UBTD2: variants seen among roughly 807,000 people sequenced by gnomAD.
The protein encoded by UBTD2 is ubiquitin domain containing 2.
Under a neutral mutation model 19.8 loss-of-function variants are expected in UBTD2, and 9 were observed. That is an observed-to-expected ratio of 0.46 (90% CI 0.27 to 0.79). The LOEUF (loss-of-function observed/expected upper bound fraction) is 0.79. UBTD2 is among the 30% of genes least tolerant of loss of function. The pLI is 0.14. For synonymous variants in UBTD2, 98 were observed against 103.9 expected, an observed-to-expected ratio of 0.94 and a Z score of 0.35; for missense variants, 250 against 300.4, an observed-to-expected ratio of 0.83 and a Z score of 1.24.
At chr5:172,233,700 T>C (rs959718056) in intron 2 of UBTD2, among the ~76,000 whole-genome samples, 1 of 151,646 alleles carries the variant, frequency 6.6e-6, no homozygotes, top group Admixed American at 6.6e-5. Flanking sequence ...ATCCTCTGAG[T>C]CTCTACAGCT....
chr5:172,277,112 G>C (rs1302600272), intron 1 of UBTD2, among the ~76,000 whole-genome samples: 1 of 89,292 alleles, frequency 1.1e-5, no homozygotes, highest in Non-Finnish European at 2.5e-5. Flanking sequence ...GGAACAAAAA[G>C]AAGACGAAGT....
At chr5:172,250,933 CAAAAAAAAAAAAAA>C (rs56280728) in intron 1 of UBTD2, among the ~76,000 whole-genome samples, 1 of 43,936 alleles carries the variant, frequency 2.3e-5, no homozygotes, top group Non-Finnish European at 4.0e-5. Flanking sequence ...GACCCTGTCT[CAAAAAAAAAAAAAA>C]AAAAAAAAAA....
Position 172,211,874 on chromosome 5 carries a change from T to A in UBTD2, c.661A>T (p.Ile221Leu). ...GGGTTCTGCACAGGTTGGCTCACTATAACCTGTACAACATAGTCCTTTGGG... is the reference window on the plus strand; with the variant it reads ...GGGTTCTGCACAGGTTGGCTCACTAAAACCTGTACAACATAGTCCTTTGGG... ...KIPKDYVVQV[I>L]VSQPVQNPTP... is the part of the protein sequence containing the mutation. Residue 221 changes from isoleucine to leucine, a missense_variant, in exon 3 of 3, where the codon ATA becomes TTA. Transcript: ENST00000393792. The A allele has an allele frequency of 6.2e-7, 1 of 1,614,204 alleles. No homozygotes were observed. The highest frequency in any genetic ancestry group is 1.1e-5 in the South Asian group (1 of 91,088).
chr5:172,282,096 AGT>A (rs548001958), intron 1 of UBTD2, among the ~76,000 whole-genome samples: 152 of 152,356 alleles, frequency 1.0e-3, no homozygotes, highest in African/African-American at 3.3e-3. Flanking sequence ...TATTAAAATG[AGT>A]GTGAAAAAAA....
At chr5:172,239,711 G>A (rs1265537927) in intron 1 of UBTD2, among the ~76,000 whole-genome samples, 1 of 152,020 alleles carries the variant, frequency 6.6e-6, no homozygotes, top group African/African-American at 2.4e-5. Flanking sequence ...ATGAGCCACC[G>A]TGCCCAGCCT....
rs913919949 is a variant in UBTD2, at chr5:172,211,631, A to G, written c.*199T>C. 4.3e-5 allele frequency: 22 copies of G among 516,386 alleles called. No homozygotes were observed. Among genetic ancestry groups the G allele is most frequent in the Non-Finnish European group, 6.8e-5 (21 of 310,512 alleles). 32.0% of individuals were successfully genotyped at this position (516,386 alleles called of 1,614,324 possible). Reference sequence around the variant, plus strand: ...TAGAAATTGTAATTACATGAGTCTCAAAGCCTGGCTCTTTGTGTTTTATTA... The same window carrying G: ...TAGAAATTGTAATTACATGAGTCTCGAAGCCTGGCTCTTTGTGTTTTATTA... On this transcript the variant is annotated 3_prime_UTR_variant, in exon 3 of 3. Transcript: ENST00000393792.
chr5:172,228,158 A>G (rs1771808754), intron 2 of UBTD2, among the ~76,000 whole-genome samples: 1 of 152,226 alleles, frequency 6.6e-6, no homozygotes, highest in Non-Finnish European at 1.5e-5. Flanking sequence ...AGTATTCTAT[A>G]TAGTGTGCAA....
At position 172,283,484 on chromosome 5, in the gene UBTD2, G is replaced by T; in HGVS notation, c.70+112C>A. On this transcript the variant is annotated intron_variant, in intron 1 of 2. Coordinates refer to ENST00000393792, the MANE Select transcript of UBTD2 (RefSeq NM_152277.3). This position sits in a 1 kb window ranked among gnomAD's most constrained non-coding sequence, Gnocchi z 4.3. ...GGAGCGCGGGGAATGACGTGGAAGA[G>T]GGGATGACAAAGGGGCGCGGGGGCC... 1.3e-6 allele frequency: 1 copy of T among 799,238 alleles called. No homozygotes were observed. Among genetic ancestry groups the T allele is most frequent in the Non-Finnish European group, 1.7e-6 (1 of 598,426 alleles). 49.5% of individuals were successfully genotyped at this position (799,238 alleles called of 1,614,324 possible). A position where few individuals can be genotyped will look rare whatever the true frequency, so the allele number is the denominator to read the frequency against.
rs751593540 is a variant in UBTD2 at position 172,258,472 on chromosome 5, G to C, written c.71-24114C>G. Among the ~76,000 whole-genome samples, 4 of 152,094 alleles carry C rather than the reference G, an allele frequency of 2.6e-5. No homozygotes were observed. The East Asian group carries it at 7.7e-4, about 29-fold the overall frequency. Reference sequence around the variant, plus strand: ...TTGTTTTGGCTTTTTGGCCTTTTTGGTTCCATATGAATTTTAGAATAGTGT... The same window carrying C: ...TTGTTTTGGCTTTTTGGCCTTTTTGCTTCCATATGAATTTTAGAATAGTGT... On this transcript the variant is annotated intron_variant, in intron 1 of 2. Coordinates refer to ENST00000393792, the MANE Select transcript of UBTD2 (RefSeq NM_152277.3).
At chr5:172,283,801 T>A, upstream of UBTD2, 8 of 415,068 alleles carry the variant, frequency 1.9e-5, no homozygotes, top group Non-Finnish European at 2.7e-5. This position sits in a 1 kb window ranked among gnomAD's most constrained non-coding sequence, Gnocchi z 4.3. Flanking sequence ...CGGCCCAGCC[T>A]CCGCCCCCCT....
At chr5:172,226,822 G>A (rs948662487) in intron 2 of UBTD2, among the ~76,000 whole-genome samples, 1 of 152,152 alleles carries the variant, frequency 6.6e-6, no homozygotes, top group African/African-American at 2.4e-5. Flanking sequence ...AGAAGGTCTA[G>A]CTATCTCAAA....
At chr5:172,229,311 T>G (rs573403628) in intron 2 of UBTD2, among the ~76,000 whole-genome samples, 8 of 152,042 alleles carry the variant, frequency 5.3e-5, no homozygotes, top group Non-Finnish European at 1.0e-4. Context: ...CCATCCTGGC[T>G]AACACGGTGA....
chr5:172,223,373 G>C (rs905113404), intron 2 of UBTD2, among the ~76,000 whole-genome samples: 3 of 151,892 alleles, frequency 2.0e-5, no homozygotes, highest in Non-Finnish European at 4.4e-5. Context: ...GGGAGGCTGA[G>C]GTGGGCAGAT....
At chr5:172,249,673 G>A (rs1457277255) in intron 1 of UBTD2, among the ~76,000 whole-genome samples, 1 of 152,020 alleles carries the variant, frequency 6.6e-6, no homozygotes, top group Non-Finnish European at 1.5e-5. Context: ...AATAGCATAT[G>A]CAAAAATCCT....
chr5:172,248,945 A>G (rs201130375), intron 1 of UBTD2, among the ~76,000 whole-genome samples: 277 of 148,252 alleles, frequency 1.9e-3, no homozygotes, highest in African/African-American at 6.2e-3. Flanking sequence ...CTTGGGGGGG[A>G]AGAAAATTAG....
intron 1 of UBTD2, among the ~76,000 whole-genome samples, chr5:172,259,091 C>T (rs1200164832): frequency 2.6e-5 from 4 of 152,018 alleles, no homozygotes; most frequent in Admixed American, 2.0e-4. Context: ...TTGTCATAGA[C>T]GGCTCTTATG....
At chr5:172,255,600 G>A (rs1314874009) in intron 1 of UBTD2, among the ~76,000 whole-genome samples, 3 of 152,202 alleles carry the variant, frequency 2.0e-5, no homozygotes, top group African/African-American at 4.8e-5. Flanking sequence ...GGACGGGAGC[G>A]CATGCAGCAG....
At chr5:172,253,634 A>G (rs1234525478) in intron 1 of UBTD2, among the ~76,000 whole-genome samples, 1 of 151,704 alleles carries the variant, frequency 6.6e-6, no homozygotes, top group African/African-American at 2.4e-5. Flanking sequence ...TTGTATTTTT[A>G]GTACAGATGG....
At chr5:172,282,050 C>T (rs1400492772) in intron 1 of UBTD2, among the ~76,000 whole-genome samples, 1 of 152,174 alleles carries the variant, frequency 6.6e-6, no homozygotes, top group Admixed American at 6.6e-5. Flanking sequence ...AATTAATCCA[C>T]ATACATTACG....
Sources: allele counts gnomAD v4.1 joint callset (sites outside exome capture counted in the v4.1 genomes callset), GRCh38; gene constraint gnomAD v4.1.1; non-coding constraint Gnocchi (gnomAD v3.1); transcripts MANE v1.5; gene names NCBI Gene and HGNC (gene_info 2026-07-23, HGNC 2026-07-21).